Variants in MACROD1 observed in about 807,000 individuals in gnomAD.
The protein encoded by MACROD1 is mono-ADP ribosylhydrolase 1.
In MACROD1, 31 loss-of-function variants were observed where a neutral mutation model predicts 41.4. The observed-to-expected ratio is 0.75, with a 90% confidence interval of 0.56 to 1.01. The LOEUF (loss-of-function observed/expected upper bound fraction) is 1.01, where lower values mean the gene tolerates loss of function less well. MACROD1 is among the 50% of genes least tolerant of loss of function. The pLI is 0.00. For synonymous variants in MACROD1, 252 were observed against 203.4 expected (o/e 1.24, Z -2.03); for missense variants, 473 against 460.0 (o/e 1.03, Z -0.26).
intron 2 of MACROD1, 104 bp downstream of exon 2, chr11:64,152,188 A>G: frequency 1.2e-6 from 1 of 839,876 alleles, no homozygotes; most frequent in Non-Finnish European, 2.0e-6. Flanking sequence ...GCCTGCAGCA[A>G]GCACTCGATA....
intron 3 of MACROD1, among the ~76,000 whole-genome samples, chr11:64,037,091 C>T (rs923950987): frequency 2.0e-5 from 3 of 152,012 alleles, no homozygotes; most frequent in Non-Finnish European, 4.4e-5. Context: ...GCCAGGCCCC[C>T]GAGGCCCAAG....
intron 3 of MACROD1, among the ~76,000 whole-genome samples, chr11:64,108,585 A>G (rs1944804688): frequency 6.6e-6 from 1 of 152,238 alleles, no homozygotes; most frequent in Admixed American, 6.5e-5. Flanking sequence ...CTGAAGCCCC[A>G]TCACAGAGCT....
At chr11:64,068,827 G>T (rs541931418) in intron 3 of MACROD1, among the ~76,000 whole-genome samples, 2 of 152,230 alleles carry the variant, frequency 1.3e-5, no homozygotes, top group Admixed American at 1.3e-4. Flanking sequence ...CTGTGTCACT[G>T]AGCAGCCCTC....
intron 3 of MACROD1, among the ~76,000 whole-genome samples, chr11:64,142,302 AGAG>A (rs1945424777): frequency 6.6e-6 from 1 of 152,178 alleles, no homozygotes; most frequent in Non-Finnish European, 1.5e-5. Flanking sequence ...AGCCAAGGCA[AGAG>A]GATGACTTGA....
intron 3 of MACROD1, among the ~76,000 whole-genome samples, chr11:64,147,090 G>A (rs2134693396): frequency 6.6e-6 from 1 of 152,288 alleles, no homozygotes; most frequent in East Asian, 1.9e-4. Flanking sequence ...TTTTGAGACA[G>A]CATCTCACTC....
At chr11:64,116,474 C>G (rs772438866) in intron 3 of MACROD1, 1 of 1,614,084 alleles carries the variant, frequency 6.2e-7, no homozygotes. Context: ...ACTGCAACGA[C>G]CGGGGACTCA....
chr11:64,000,355 G>A lies in MACROD1; in HGVS notation c.548-12C>T. On this transcript the variant is annotated splice_polypyrimidine_tract_variant and intron_variant, in intron 4 of 10. Transcript: ENST00000255681. ...AATGCAGCCGTCCACTGCGGGAAGG[G>A]CGGGCGCGACTGAGCTGGCCTGGCA... 6.5e-7 allele frequency: 1 copy of A among 1,547,988 alleles called. No individual in the cohort carries two copies. The highest frequency in any genetic ancestry group is 8.7e-7 in the Non-Finnish European group (1 of 1,146,818).
At chr11:64,010,956 TG>T (rs1269365963) in intron 4 of MACROD1, among the ~76,000 whole-genome samples, 3 of 141,426 alleles carry the variant, frequency 2.1e-5, no homozygotes, top group Non-Finnish European at 4.6e-5. Context: ...GGGTGTTGGC[TG>T]GCATGTTGGT....
chr11:64,015,822 AG>A (rs1943073651), intron 3 of MACROD1, among the ~76,000 whole-genome samples: 2 of 126,822 alleles, frequency 1.6e-5, no homozygotes, highest in Admixed American at 7.8e-5. Flanking sequence ...GGGGCGCAGA[AG>A]GGGGCAGGGG....
At chr11:64,044,510 A>G (rs1943548216) in intron 3 of MACROD1, among the ~76,000 whole-genome samples, 1 of 151,948 alleles carries the variant, frequency 6.6e-6, no homozygotes. Context: ...TGGCCTCCTG[A>G]TTACAGGTGT....
In MACROD1 at chr11:64,030,059, C is replaced by A. The variant is rs537240625; in HGVS notation, c.518-14778G>T. The stretch of plus-strand genomic sequence containing the variant: ...GCTGACAGGTGGAACAACCACCCCC[C>A]GGGTGACACAGTCTTGCCTTTGCCC... On this transcript the variant is annotated intron_variant, in intron 3 of 10. Coordinates refer to ENST00000255681, the MANE Select transcript of MACROD1 (RefSeq NM_014067.4). 3.9e-5 allele frequency among the ~76,000 whole-genome samples: 6 copies of A among 152,196 alleles called. No homozygotes were observed. The South Asian group carries it at 1.2e-3, about 32-fold the overall frequency.
chr11:64,004,717 G>A (rs1942881936), intron 4 of MACROD1, among the ~76,000 whole-genome samples: 1 of 152,140 alleles, frequency 6.6e-6, no homozygotes, highest in African/African-American at 2.4e-5. Context: ...TTTGGGGCAA[G>A]TCACTTAACC....
At chr11:64,084,712 C>T (rs757790731) in intron 3 of MACROD1, among the ~76,000 whole-genome samples, 2 of 152,214 alleles carry the variant, frequency 1.3e-5, no homozygotes, top group Admixed American at 6.5e-5. Context: ...TCCACGTGCC[C>T]GTGCTGCTTC....
chr11:64,151,379 G>A, intron 2 of MACROD1, 24 bp from the exon 3 acceptor site: 1 of 1,583,168 alleles, frequency 6.3e-7, no homozygotes, highest in African/African-American at 1.3e-5. Flanking sequence ...GGGCCGGGGA[G>A]GTCACAGCGA....
intron 3 of MACROD1, among the ~76,000 whole-genome samples, chr11:64,080,600 C>T (rs561526490): frequency 3.9e-5 from 6 of 152,146 alleles, no homozygotes; most frequent in African/African-American, 7.2e-5. Flanking sequence ...AACACGTAGG[C>T]GTTCAGCAAG....
intron 3 of MACROD1, among the ~76,000 whole-genome samples, chr11:64,121,353 C>T (rs1227016258): frequency 6.6e-6 from 1 of 152,258 alleles, no homozygotes; most frequent in African/African-American, 2.4e-5. Flanking sequence ...CACCCACCCA[C>T]TGGCGCTCTA....
intron 3 of MACROD1, among the ~76,000 whole-genome samples, chr11:64,035,714 T>A (rs370728970): frequency 1.8e-4 from 6 of 33,102 alleles, no homozygotes; most frequent in Admixed American, 1.1e-3. Flanking sequence ...GGCGCCCCCG[T>A]CCTCCTCCCC....
intron 4 of MACROD1, among the ~76,000 whole-genome samples, chr11:64,013,350 A>T (rs1465631170): frequency 6.6e-6 from 1 of 152,118 alleles, no homozygotes; most frequent in African/African-American, 2.4e-5. Context: ...CCCCTGAGAG[A>T]TGGTATTCAA....
intron 3 of MACROD1, among the ~76,000 whole-genome samples, chr11:64,021,578 C>T (rs867415242): frequency 8.5e-5 from 13 of 152,214 alleles, no homozygotes; most frequent in South Asian, 4.1e-4. Flanking sequence ...CCCTGGAGGC[C>T]GCCTCCACTC....
Sources: gnomAD v4.1 joint callset for allele counts (sites outside exome capture counted in the v4.1 genomes callset) on GRCh38, gnomAD v4.1.1 for gene constraint, MANE v1.5 for transcripts, NCBI Gene and HGNC (gene_info 2026-07-23, HGNC 2026-07-21) for gene names.